The following JAM2 variants were observed in gnomAD, a reference collection of about 807,000 sequenced individuals.
JAM2 encodes the protein junctional adhesion molecule 2, also known as junctional adhesion molecule B.
In JAM2, 17 loss-of-function variants were observed where a neutral mutation model predicts 42.0. The observed-to-expected ratio is 0.40, with a 90% confidence interval of 0.28 to 0.61. The LOEUF (loss-of-function observed/expected upper bound fraction) is 0.61, where lower values mean the gene tolerates loss of function less well. Ranked by LOEUF, JAM2 falls within the 20% of genes least tolerant of loss-of-function variation. The probability of loss-of-function intolerance (pLI) is 0.37; values close to 1 mark genes in which losing one functional copy is unlikely to be tolerated. For synonymous variants in JAM2, 118 were observed against 128.6 expected (o/e 0.92, Z 0.56); for missense variants, 319 against 358.3 (o/e 0.89, Z 0.89).
intron 2 of JAM2, among the ~76,000 whole-genome samples, chr21:25,684,318 T>C (rs1467093712): frequency 2.0e-5 from 3 of 152,246 alleles, no homozygotes; most frequent in Non-Finnish European, 1.5e-5. Context: ...GATGTTAATA[T>C]AGCTTACTTT....
chr21:25,678,217 C>G (rs377508258), intron 1 of JAM2, among the ~76,000 whole-genome samples: 2 of 152,098 alleles, frequency 1.3e-5, no homozygotes, highest in African/African-American at 4.8e-5. Flanking sequence ...TAGAGCGAGA[C>G]TCAGTCTCAA....
In JAM2 at chr21:25,708,914, A is replaced by G. The variant is rs186924047; in HGVS notation, c.806-520A>G. 3.6e-3 allele frequency among the ~76,000 whole-genome samples: 541 copies of G among 152,236 alleles called. 1 individual carries two copies. Among genetic ancestry groups the G allele is most frequent in the African/African-American group, 0.012 (517 of 41,538 alleles). On this transcript the variant is annotated intron_variant, in intron 7 of 9. Coordinates refer to ENST00000480456, the MANE Select transcript of JAM2 (RefSeq NM_021219.4). ...ATCCAAGAGAAGCATATTCTTGAAT[A>G]TATGTTTAGGACAGAGGTTGGCAGA...
intron 1 of JAM2, among the ~76,000 whole-genome samples, chr21:25,656,516 G>A (rs1033819198): frequency 2.6e-5 from 4 of 152,128 alleles, no homozygotes; most frequent in South Asian, 4.2e-4. Context: ...AGAAGATGCC[G>A]GTTATGGGAA....
chr21:25,663,046 T>A (rs547216650), intron 1 of JAM2, among the ~76,000 whole-genome samples: 2,330 of 152,296 alleles, frequency 0.015, 43 homozygotes, highest in African/African-American at 0.052. Context: ...TCTTGACAGT[T>A]AAGTCAGGTG....
chr21:25,711,616 T>C (rs1284774881), intron 8 of JAM2: 2 of 317,450 alleles, frequency 6.3e-6, no homozygotes, highest in East Asian at 1.8e-4. Context: ...TATCAAGAAT[T>C]AGCAGTAATA....
At chr21:25,670,388 G>T (rs1217267367) in intron 1 of JAM2, among the ~76,000 whole-genome samples, 2 of 152,008 alleles carry the variant, frequency 1.3e-5, no homozygotes, top group African/African-American at 4.8e-5. Context: ...GGATTGCTGA[G>T]GTGCAGTGAT....
In JAM2 at chr21:25,715,220, T is replaced by G. The variant is rs1490584685; in HGVS notation, c.*548T>G. 1 of 152,328 alleles carries G rather than the reference T, an allele frequency of 6.6e-6. No individual in the cohort carries two copies. The highest frequency in any genetic ancestry group is 1.5e-5 in the Non-Finnish European group (1 of 68,110). 9.4% of individuals were successfully genotyped at this position (152,328 alleles called of 1,614,324 possible). A position where few individuals can be genotyped will look rare whatever the true frequency, so the allele number is the denominator to read the frequency against. On this transcript the variant is annotated 3_prime_UTR_variant, in exon 10 of 10. Transcript: ENST00000480456. ...GGTCTTATGCCCAAGGATTTGCACTTTGTGTTTACTTCCATTCCTGGGAAC... is the reference window on the plus strand; with the variant it reads ...GGTCTTATGCCCAAGGATTTGCACTGTGTGTTTACTTCCATTCCTGGGAAC...
intron 1 of JAM2, among the ~76,000 whole-genome samples, chr21:25,646,436 G>C (rs2032613860): frequency 6.6e-6 from 1 of 152,122 alleles, no homozygotes; most frequent in Non-Finnish European, 1.5e-5. Flanking sequence ...TTTATTTTCA[G>C]TATTTGTTTC....
Position 25,670,147 on chromosome 21 carries a change from AC to A in JAM2, c.68-13734del, listed in dbSNP as rs2033324187. On this transcript the variant is annotated intron_variant, in intron 1 of 9. Transcript: ENST00000480456. ...TTGCCTACCATATCTGGACACAAAT[AC>A]CTTTGTTCTTCTTTCCAATACTCAA... 2.0e-5 allele frequency among the ~76,000 whole-genome samples: 3 copies of A among 152,286 alleles called. No individual in the cohort carries two copies. The South Asian group carries it at 6.2e-4, about 32-fold the overall frequency.
chr21:25,679,019 G>A (rs965490039), intron 1 of JAM2, among the ~76,000 whole-genome samples: 2 of 152,146 alleles, frequency 1.3e-5, no homozygotes, highest in African/African-American at 4.8e-5. Flanking sequence ...GCCCAGGCTG[G>A]TCTTAAACTC....
Position 25,712,408 on chromosome 21 carries a change from A to G in JAM2, c.864+26A>G. The G allele has an allele frequency of 2.0e-6, 3 of 1,498,588 alleles. No homozygotes were observed. The South Asian group carries it at 3.4e-5, about 17-fold the overall frequency. 92.8% of individuals were successfully genotyped at this position (1,498,588 alleles called of 1,614,324 possible). A position where few individuals can be genotyped will look rare whatever the true frequency, so the allele number is the denominator to read the frequency against. On this transcript the variant is annotated intron_variant, in intron 9 of 9. Transcript: ENST00000480456. The stretch of plus-strand genomic sequence containing the variant: ...GTGAGTATCTTTAAAGCATATTTAT[A>G]GAATGAATATGTTTGGGGAATAGGG...
chr21:25,658,832 A>G (rs1432195030), intron 1 of JAM2, among the ~76,000 whole-genome samples: 1 of 152,228 alleles, frequency 6.6e-6, no homozygotes, highest in Non-Finnish European at 1.5e-5. Context: ...TTTTATTCAC[A>G]GTGTCATAAA....
rs371113226 is a variant in JAM2, at chr21:25,644,283, T to G, written c.67+4395T>G. ...AAACACATGACCAAAAACAAAACAA[T>G]ACAAATTGATTGTCTTAAACTTCTA... On this transcript the variant is annotated intron_variant, in intron 1 of 9. Transcript: ENST00000480456. The G allele has an allele frequency of 9.9e-5, 15 of 152,230 alleles. 1 individual carries two copies. The highest frequency in any genetic ancestry group is 1.5e-5 in the Non-Finnish European group (1 of 68,040). The allele number at this position is 152,230 out of a possible 1,614,324, so 9.4% of individuals were successfully genotyped here.
chr21:25,660,363 T>G (rs1352997023), intron 1 of JAM2, among the ~76,000 whole-genome samples: 1 of 152,186 alleles, frequency 6.6e-6, no homozygotes, highest in Non-Finnish European at 1.5e-5. Flanking sequence ...AAAAAAGCAT[T>G]CAACTTTCTA....
chr21:25,663,523 G>A (rs1450020303), intron 1 of JAM2, among the ~76,000 whole-genome samples: 1 of 152,114 alleles, frequency 6.6e-6, no homozygotes, highest in African/African-American at 2.4e-5. Context: ...CGATTCATGA[G>A]GACTCTGCCT....
chr21:25,657,596 A>G (rs1271000457), intron 1 of JAM2, among the ~76,000 whole-genome samples: 3 of 152,192 alleles, frequency 2.0e-5, no homozygotes, highest in African/African-American at 7.2e-5. Context: ...GTATAATATA[A>G]ATAAAATGGA....
intron 1 of JAM2, among the ~76,000 whole-genome samples, chr21:25,654,647 C>CAAAAAA (rs34222589): frequency 1.1e-5 from 1 of 91,612 alleles, no homozygotes; most frequent in Non-Finnish European, 2.2e-5. Context: ...GACTTTCTCT[C>CAAAAAA]AAAAAAAAAA....
Position 25,663,476 on chromosome 21 carries a change from G to A in JAM2, c.68-20407G>A, listed in dbSNP as rs78706405. Among the ~76,000 whole-genome samples, 1,005 of 152,250 alleles carry A rather than the reference G, an allele frequency of 6.6e-3. 10 individuals are homozygous for A. Among genetic ancestry groups the A allele is most frequent in the African/African-American group, 0.023 (960 of 41,548 alleles). The stretch of plus-strand genomic sequence containing the variant: ...CTCATGTTGAAACATAATCCCTAAT[G>A]TAGCAGTATTAAGAGGTAGGGCCTT... On this transcript the variant is annotated intron_variant, in intron 1 of 9. Transcript: ENST00000480456.
At chr21:25,697,007 A>ATTT (rs11348784) in intron 4 of JAM2, among the ~76,000 whole-genome samples, 4 of 133,344 alleles carry the variant, frequency 3.0e-5, no homozygotes, top group South Asian at 2.4e-4. Context: ...GCACACACCT[A>ATTT]TTTTTTTTTT....
Sources: gnomAD v4.1 joint callset for allele counts (sites outside exome capture counted in the v4.1 genomes callset) on GRCh38, gnomAD v4.1.1 for gene constraint, MANE v1.5 for transcripts, NCBI Gene and HGNC (gene_info 2026-07-23, HGNC 2026-07-21) for gene names.